NTN4: variants seen among roughly 807,000 people sequenced by gnomAD.
The protein encoded by NTN4 is netrin-4.
In NTN4, 32 loss-of-function variants were observed where a neutral mutation model predicts 73.6. The observed-to-expected ratio is 0.44, with a 90% CI of 0.33 to 0.58. The LOEUF (loss-of-function observed/expected upper bound fraction) is 0.58. Ranked by LOEUF, NTN4 falls within the 20% of genes least tolerant of loss-of-function variation. NTN4 has a pLI of 0.04. For synonymous variants in NTN4, 258 were observed against 287.5 expected, an observed-to-expected ratio of 0.90 and a Z score of 1.04; for missense variants, 654 against 798.3, an observed-to-expected ratio of 0.82 and a Z score of 2.18.
chr12:95,767,279 C>T (rs1276616381), intron 2 of NTN4, among the ~76,000 whole-genome samples: 3 of 151,996 alleles, frequency 2.0e-5, no homozygotes, highest in Admixed American at 2.0e-4. Context: ...CTTTAAGAGA[C>T]AACAATTTAA....
At chr12:95,767,049 C>A (rs2121259270) in intron 2 of NTN4, among the ~76,000 whole-genome samples, 1 of 152,296 alleles carries the variant, frequency 6.6e-6, no homozygotes, top group Middle Eastern at 3.4e-3. Flanking sequence ...ATTATGTTAT[C>A]TCTACTCAGA....
chr12:95,743,540 G>A (rs1266580824), intron 2 of NTN4, among the ~76,000 whole-genome samples: 2 of 152,002 alleles, frequency 1.3e-5, no homozygotes, highest in Non-Finnish European at 2.9e-5. Context: ...GATACGCTGT[G>A]TTTTCATTTC....
chr12:95,755,597 C>T (rs2078942253), intron 2 of NTN4, among the ~76,000 whole-genome samples: 2 of 152,166 alleles, frequency 1.3e-5, no homozygotes, highest in Non-Finnish European at 1.5e-5. Context: ...CATCAGATAG[C>T]CCACCCTTTA....
intron 5 of NTN4, among the ~76,000 whole-genome samples, chr12:95,710,202 G>C (rs2078553734): frequency 6.6e-6 from 1 of 152,040 alleles, no homozygotes; most frequent in Non-Finnish European, 1.5e-5. Context: ...CAGTGCTATA[G>C]GAAATAATTT....
At chr12:95,689,076 C>G (rs906558902) in intron 5 of NTN4, among the ~76,000 whole-genome samples, 6 of 152,144 alleles carry the variant, frequency 3.9e-5, no homozygotes, top group African/African-American at 1.4e-4. Context: ...ACCTTCCCCC[C>G]ACGCCCCTCC....
chr12:95,763,686 C>T (rs1374837035), intron 2 of NTN4, among the ~76,000 whole-genome samples: 4 of 152,190 alleles, frequency 2.6e-5, no homozygotes, highest in African/African-American at 4.8e-5. Flanking sequence ...CGATGTCAAG[C>T]GAATTCTAGC....
At chr12:95,682,080 T>TTTTTTTTTTTTTA (rs869040983) in intron 7 of NTN4, among the ~76,000 whole-genome samples, 1 of 118,456 alleles carries the variant, frequency 8.4e-6, no homozygotes, top group Admixed American at 9.3e-5. Flanking sequence ...TTTTTTTTTT[T>TTTTTTTTTTTTTA]GAGACAAGGT....
intron 2 of NTN4, among the ~76,000 whole-genome samples, chr12:95,762,210 C>G (rs879207219): frequency 2.0e-5 from 3 of 152,094 alleles, no homozygotes; most frequent in Admixed American, 2.0e-4. Flanking sequence ...TCAGGAGCAA[C>G]CCCAATGTGC....
At chr12:95,729,626 A>AGTGTGTGTGT (rs1174300161) in intron 3 of NTN4, among the ~76,000 whole-genome samples, 4 of 122,518 alleles carry the variant, frequency 3.3e-5, no homozygotes, top group African/African-American at 1.4e-4. Flanking sequence ...AGAGAGAGAG[A>AGTGTGTGTGT]GAGAGAGTGT....
In NTN4 at chr12:95,712,787, C is replaced by CTT. The variant is rs35614636; in HGVS notation, c.991+423_991+424dup. ...CGGCTAATTTTTTCTTTCTTTCTTT[C>CTT]TTTTTTTTTTTTTTTTTTTTTTGTA... On this transcript the variant is annotated intron_variant, in intron 4 of 9. Coordinates refer to ENST00000343702, the MANE Select transcript of NTN4 (RefSeq NM_021229.4). Among the ~76,000 whole-genome samples, 488 of 105,716 alleles carry CTT rather than the reference C, an allele frequency of 4.6e-3. 4 individuals are homozygous for CTT. Among genetic ancestry groups the CTT allele is most frequent in the African/African-American group, 0.011 (284 of 26,592 alleles). 69.4% of individuals were successfully genotyped at this position (105,716 alleles called of 152,430 possible). A position where few individuals can be genotyped will look rare whatever the true frequency, so the allele number is the denominator to read the frequency against.
In NTN4 at chr12:95,672,721, C is replaced by T. The variant is rs2120952258; in HGVS notation, c.1511-2575G>A. 5.0e-6 allele frequency: 7 copies of T among 1,413,252 alleles called. No homozygotes were observed. In the East Asian group the frequency reaches 6.9e-5, roughly 14 times the overall value. The allele number at this position is 1,413,252 out of a possible 1,614,324, so 87.5% of individuals were successfully genotyped here. A position where few individuals can be genotyped will look rare whatever the true frequency, so the allele number is the denominator to read the frequency against. On this transcript the variant is annotated intron_variant, in intron 7 of 9. Transcript: ENST00000343702. ...TTTCTACAGCAACATCAGTAAGGAT[C>T]GTAGGTATGCAGACCTCACAGATGA...
intron 3 of NTN4, among the ~76,000 whole-genome samples, chr12:95,717,390 G>A (rs917841185): frequency 8.5e-5 from 13 of 152,094 alleles, no homozygotes; most frequent in South Asian, 6.2e-4. Context: ...CCTCTACAGC[G>A]AGGATTTCAG....
chr12:95,779,788 C>CA (rs1260568961), intron 2 of NTN4, among the ~76,000 whole-genome samples: 5 of 152,050 alleles, frequency 3.3e-5, no homozygotes, highest in African/African-American at 1.2e-4. Context: ...ACTTTCTTCA[C>CA]AAAATTGGAA....
intron 2 of NTN4, among the ~76,000 whole-genome samples, chr12:95,741,078 T>C (rs1304940359): frequency 6.6e-6 from 1 of 152,094 alleles, no homozygotes; most frequent in Admixed American, 6.5e-5. Context: ...AGGCTGCTAT[T>C]GTTAGGCAAC....
intron 5 of NTN4, among the ~76,000 whole-genome samples, chr12:95,698,291 G>A (rs1238413757): frequency 6.6e-6 from 1 of 152,128 alleles, no homozygotes; most frequent in Non-Finnish European, 1.5e-5. Context: ...TACCTACCAC[G>A]AGGTCTGGTC....
At chr12:95,749,088 C>A (rs939335498) in intron 2 of NTN4, among the ~76,000 whole-genome samples, 4 of 152,158 alleles carry the variant, frequency 2.6e-5, no homozygotes, top group African/African-American at 4.8e-5. Context: ...GTGACCCCTA[C>A]CCCTGCCCAC....
intron 1 of NTN4, 64 bp from the exon 2 acceptor site, chr12:95,787,532 A>G: frequency 1.3e-6 from 2 of 1,517,392 alleles, no homozygotes; most frequent in South Asian, 1.2e-5. Context: ...TTGGCCACCT[A>G]GTCCATCAAC....
At chr12:95,710,294 T>C in intron 5 of NTN4, 147 bp downstream of exon 5, 1 of 592,774 alleles carries the variant, frequency 1.7e-6, no homozygotes. Flanking sequence ...TTCTTGCCTC[T>C]TATCAATGAA....
intron 5 of NTN4, among the ~76,000 whole-genome samples, chr12:95,690,197 G>A (rs1267967064): frequency 6.6e-6 from 1 of 152,186 alleles, no homozygotes; most frequent in African/African-American, 2.4e-5. Flanking sequence ...AACAGCATAG[G>A]AGACACTGTT....
Sources: allele counts gnomAD v4.1 joint callset (sites outside exome capture counted in the v4.1 genomes callset), GRCh38; gene constraint gnomAD v4.1.1; transcripts MANE v1.5; gene names NCBI Gene and HGNC (gene_info 2026-07-23, HGNC 2026-07-21).